TBC1D8: variants seen among roughly 807,000 people sequenced by gnomAD.
The protein encoded by TBC1D8 is TBC1 domain family member 8, also known as BUB2-like protein 1.
A neutral mutation model predicts 118.8 loss-of-function variants in TBC1D8; 65 were observed. The ratio of observed to expected loss-of-function variants is 0.55; its 90% CI spans 0.45 to 0.67. The LOEUF (loss-of-function observed/expected upper bound fraction) is 0.67. Ranked by LOEUF, TBC1D8 falls within the 30% of genes least tolerant of loss-of-function variation. The probability of loss-of-function intolerance (pLI) is 0.00; values close to 1 mark genes in which losing one functional copy is unlikely to be tolerated. For missense variants in TBC1D8, 1,376 were observed against 1,471.2 expected (o/e 0.94, Z 1.06); for synonymous variants, 566 against 595.8 (o/e 0.95, Z 0.73).
intron 3 of TBC1D8, among the ~76,000 whole-genome samples, chr2:101,057,073 T>G (rs1353800400): frequency 6.6e-6 from 1 of 152,208 alleles, no homozygotes; most frequent in African/African-American, 2.4e-5. Context: ...GACTAGAATA[T>G]GTCACCCCAA....
chr2:101,104,918 T>C (rs1677096729), intron 1 of TBC1D8, among the ~76,000 whole-genome samples: 1 of 149,886 alleles, frequency 6.7e-6, no homozygotes, highest in Admixed American at 6.7e-5. Context: ...GGAGGCTGAA[T>C]AGGAGGCTCA....
At chr2:101,038,227 A>T (rs1311235149) in intron 7 of TBC1D8, among the ~76,000 whole-genome samples, 1 of 152,072 alleles carries the variant, frequency 6.6e-6, no homozygotes, top group Non-Finnish European at 1.5e-5. Flanking sequence ...AAACCTCAGG[A>T]GCAGGGATAG....
At chr2:101,012,796 A>C (rs1303880186) in intron 17 of TBC1D8, among the ~76,000 whole-genome samples, 1 of 150,936 alleles carries the variant, frequency 6.6e-6, no homozygotes, top group African/African-American at 2.4e-5. Context: ...ACTGAAAATA[A>C]ATCAAAGGCA....
intron 2 of TBC1D8, among the ~76,000 whole-genome samples, chr2:101,072,617 A>G (rs1160599677): frequency 6.6e-6 from 1 of 152,194 alleles, no homozygotes; most frequent in African/African-American, 2.4e-5. Flanking sequence ...GGCATTGGTT[A>G]GATTCCCATA....
intron 1 of TBC1D8, among the ~76,000 whole-genome samples, chr2:101,122,383 CAAAAAAAAA>C (rs70943064): frequency 2.2e-4 from 16 of 71,942 alleles, no homozygotes; most frequent in Admixed American, 1.8e-3. Flanking sequence ...GACTCCATTT[CAAAAAAAAA>C]AAAAAAAAAA....
chr2:101,059,807 C>T (rs373976404), intron 2 of TBC1D8, among the ~76,000 whole-genome samples: 28 of 152,208 alleles, frequency 1.8e-4, no homozygotes, highest in Admixed American at 1.3e-3. Flanking sequence ...GGCGTGGTGG[C>T]GGGCACCTGT....
At chr2:101,040,630 C>T (rs934272880) in intron 5 of TBC1D8, among the ~76,000 whole-genome samples, 18 of 152,140 alleles carry the variant, frequency 1.2e-4, no homozygotes, top group Admixed American at 3.3e-4. Context: ...CCACCGCGCC[C>T]GGCTAATTTT....
chr2:101,069,117 G>T (rs1415036313), intron 2 of TBC1D8, among the ~76,000 whole-genome samples: 1 of 151,830 alleles, frequency 6.6e-6, no homozygotes, highest in Non-Finnish European at 1.5e-5. Flanking sequence ...GGCCAATATG[G>T]TGAAACCCCA....
chr2:101,087,349 G>T (rs1675705185), intron 2 of TBC1D8, among the ~76,000 whole-genome samples: 1 of 151,954 alleles, frequency 6.6e-6, no homozygotes, highest in Non-Finnish European at 1.5e-5. Context: ...AAATACTCTG[G>T]ATTGGGGCCG....
At chr2:101,099,476 T>C (rs554639132) in intron 1 of TBC1D8, among the ~76,000 whole-genome samples, 10 of 152,226 alleles carry the variant, frequency 6.6e-5, no homozygotes, top group East Asian at 1.9e-4. Flanking sequence ...TTCCAAACAA[T>C]TGAAAAGGAG....
chr2:101,050,531 T>C lies in TBC1D8; in HGVS notation c.742A>G (p.Met248Val), dbSNP rs199634752. The change falls in exon 5 of 20, where the codon ATG becomes GTG. Residue 248 changes from methionine to valine, a missense_variant. By Grantham distance (21) the Met-to-Val change is conservative. Coordinates refer to ENST00000409318, the MANE Select transcript of TBC1D8 (RefSeq NM_001330348.2). The part of the protein sequence containing the change: ...TTQNKERDFS[M>V]FLNLDEVFKV... ...AACACCTCATCCAGGTTCAGGAACATGGAGAAGTCACGCTCCTTATTCTGC... is the reference window on the plus strand; with the variant it reads ...AACACCTCATCCAGGTTCAGGAACACGGAGAAGTCACGCTCCTTATTCTGC... 2.2e-4 allele frequency: 348 copies of C among 1,613,860 alleles called. 2 individuals are homozygous for C. Among genetic ancestry groups the C allele is most frequent in the Non-Finnish European group, 3.7e-5 (44 of 1,179,878 alleles).
intron 2 of TBC1D8, among the ~76,000 whole-genome samples, chr2:101,080,335 T>C (rs1431572085): frequency 6.6e-6 from 1 of 152,082 alleles, no homozygotes; most frequent in Admixed American, 6.5e-5. Flanking sequence ...CAGACTTTCC[T>C]TGAAGCACCC....
At chr2:101,090,022 G>A (rs1195572507) in intron 2 of TBC1D8, among the ~76,000 whole-genome samples, 187 bp downstream of exon 2, 1 of 149,464 alleles carries the variant, frequency 6.7e-6, no homozygotes. Context: ...GAAGGAAGAG[G>A]AGGGCAGGGG....
At position 101,028,032 on chromosome 2, in the gene TBC1D8, G is replaced by A. The variant is rs763647480; in HGVS notation, c.2451+16C>T. ...CCCAATACCGTGATCACCGGGGTGAGGCGTCTGCTACCCACCACGTTCTGC... is the reference window on the plus strand; with the variant it reads ...CCCAATACCGTGATCACCGGGGTGAAGCGTCTGCTACCCACCACGTTCTGC... On this transcript the variant is annotated intron_variant, in intron 14 of 19. Transcript: ENST00000409318. 6.2e-7 allele frequency: 1 copy of A among 1,613,372 alleles called. No individual in the cohort carries two copies. Among genetic ancestry groups the A allele is most frequent in the Non-Finnish European group, 8.5e-7 (1 of 1,179,360 alleles).
chr2:101,025,052 T>C (rs1257406871), intron 15 of TBC1D8, among the ~76,000 whole-genome samples: 1 of 152,180 alleles, frequency 6.6e-6, no homozygotes, highest in African/African-American at 2.4e-5. Flanking sequence ...ATATATACCA[T>C]AATCTCACTT....
chr2:101,090,132 C>A, intron 2 of TBC1D8, 77 bp downstream of exon 2: 1 of 1,497,290 alleles, frequency 6.7e-7, no homozygotes, highest in South Asian at 1.3e-5. Context: ...GGGTTACCTT[C>A]AAGCTTCACC....
chr2:101,033,409 G>GAAAGAAAGTATCAAATGAGGGCC, intron 10 of TBC1D8, 135 bp downstream of exon 10: 2 of 1,052,456 alleles, frequency 1.9e-6, no homozygotes, highest in Non-Finnish European at 2.9e-6. Flanking sequence ...TTTCTTTCCG[G>GAAAGAAAGTATCAAATGAGGGCC]AAAGGGACCG....
At chr2:101,047,385 C>T (rs1262858961) in intron 5 of TBC1D8, among the ~76,000 whole-genome samples, 2 of 152,196 alleles carry the variant, frequency 1.3e-5, no homozygotes, top group Admixed American at 6.5e-5. Context: ...CCCAAGGGCA[C>T]CTTTCTGCAG....
intron 9 of TBC1D8, 56 bp from the exon 10 acceptor site, chr2:101,033,814 T>G: frequency 2.6e-6 from 4 of 1,560,820 alleles, no homozygotes; most frequent in Non-Finnish European, 2.6e-6. Flanking sequence ...GGTGTCATGA[T>G]GAAGAAGATG....
Sources: gnomAD v4.1 joint callset for allele counts (sites outside exome capture counted in the v4.1 genomes callset) on GRCh38, gnomAD v4.1.1 for gene constraint, MANE v1.5 for transcripts, NCBI Gene and HGNC (gene_info 2026-07-23, HGNC 2026-07-21) for gene names.